RFX8: variants seen among roughly 807,000 people sequenced by gnomAD.
RFX8 encodes the protein DNA-binding protein RFX8.
In RFX8, 46 loss-of-function variants were observed where a neutral mutation model predicts 54.6. That is an observed-to-expected ratio of 0.84 (90% confidence interval 0.67 to 1.08). The LOEUF is 1.08. RFX8 is among the 50% of genes least tolerant of loss of function. The pLI is 0.00. For missense variants in RFX8, 536 were observed against 562.3 expected, an observed-to-expected ratio of 0.95 and a Z score of 0.47; for synonymous variants, 192 against 209.5, an observed-to-expected ratio of 0.92 and a Z score of 0.72.
At chr2:101,443,922 G>A (rs561456185) in intron 2 of RFX8, among the ~76,000 whole-genome samples, 46 of 152,144 alleles carry the variant, frequency 3.0e-4, no homozygotes, top group Middle Eastern at 3.4e-3. Flanking sequence ...TGACCTCCAC[G>A]CTCCATACAC....
At chr2:101,471,723 C>G (rs1318060239) in intron 1 of RFX8, among the ~76,000 whole-genome samples, 2 of 152,226 alleles carry the variant, frequency 1.3e-5, no homozygotes, top group East Asian at 3.8e-4. Context: ...GAAACAGAAA[C>G]CTTCTATTAC....
In RFX8 at chr2:101,466,869, A is replaced by G; in HGVS notation, c.-21T>C. 6.5e-7 allele frequency: 1 copy of G among 1,541,484 alleles called. No homozygotes were observed. The highest frequency in any genetic ancestry group is 8.8e-7 in the Non-Finnish European group (1 of 1,137,728). The stretch of plus-strand genomic sequence containing the variant: ...TACATGAGACAGCGAGGGACGCTGC[A>G]CTCTTCGCAAATGCAGAAGTTGTCG... On this transcript the variant is annotated 5_prime_UTR_variant, in exon 2 of 12. Transcript: ENST00000428343.
intron 2 of RFX8, chr2:101,452,342 C>A (rs759751583): frequency 4.7e-5 from 52 of 1,117,516 alleles, no homozygotes; most frequent in Non-Finnish European, 6.3e-5. Flanking sequence ...TTTCCAAATC[C>A]TTGTTTTTAA....
At chr2:101,439,001 C>T (rs1260355405) in intron 2 of RFX8, among the ~76,000 whole-genome samples, 1 of 152,184 alleles carries the variant, frequency 6.6e-6, no homozygotes, top group South Asian at 2.1e-4. Flanking sequence ...TTAGTAGAGA[C>T]AGGGTTTCAC....
intron 2 of RFX8, among the ~76,000 whole-genome samples, chr2:101,451,773 C>T (rs1688696910): frequency 6.6e-6 from 1 of 151,458 alleles, no homozygotes; most frequent in South Asian, 2.1e-4. Context: ...TTTGTGAACA[C>T]AGAAACTTTA....
chr2:101,447,584 AAC>A (rs1233859504), intron 2 of RFX8, among the ~76,000 whole-genome samples: 2 of 152,184 alleles, frequency 1.3e-5, no homozygotes, highest in African/African-American at 4.8e-5. Flanking sequence ...CGTTACCTTA[AAC>A]ACTTATTATT....
intron 2 of RFX8, among the ~76,000 whole-genome samples, chr2:101,447,954 C>T (rs1175375229): frequency 6.6e-6 from 1 of 152,220 alleles, no homozygotes; most frequent in African/African-American, 2.4e-5. Flanking sequence ...GCTACATCCT[C>T]ACATGGCAGA....
chr2:101,466,988 A>G (rs749703035), intron 1 of RFX8, 88 bp from the exon 2 acceptor site: 1 of 665,096 alleles, frequency 1.5e-6, no homozygotes, highest in East Asian at 2.7e-5. Flanking sequence ...CAAGATGTGT[A>G]TGAGGTTCCA....
chr2:101,444,359 G>A lies in RFX8; in HGVS notation c.73-21887C>T, dbSNP rs1301775598. On this transcript the variant is annotated intron_variant, in intron 2 of 11. Coordinates refer to ENST00000428343, the MANE Select transcript of RFX8 (RefSeq NM_001145664.2). ...ACCCACAGCCCATAAAAGTAGGCCAGAACCTACACACTAAACCTAAACAGG... is the reference window on the plus strand; with the variant it reads ...ACCCACAGCCCATAAAAGTAGGCCAAAACCTACACACTAAACCTAAACAGG... 2.6e-5 allele frequency among the ~76,000 whole-genome samples: 4 copies of A among 152,224 alleles called. No homozygotes were observed. The East Asian group carries it at 5.8e-4, about 22-fold the overall frequency.
intron 1 of RFX8, among the ~76,000 whole-genome samples, chr2:101,469,251 C>T (rs1480592127): frequency 6.6e-6 from 1 of 150,402 alleles, no homozygotes; most frequent in Non-Finnish European, 1.5e-5. Flanking sequence ...AACTCCTGGG[C>T]TCAAGGGATC....
chr2:101,397,841 AG>A, intron 11 of RFX8, 117 bp from the exon 12 acceptor site: 1 of 801,528 alleles, frequency 1.2e-6, no homozygotes, highest in Non-Finnish European at 1.9e-6. Context: ...TGGGATGTAA[AG>A]GAGAAGTTCA....
chr2:101,452,421 A>T (rs1489605474), intron 2 of RFX8: 17 of 1,370,246 alleles, frequency 1.2e-5, no homozygotes, highest in Non-Finnish European at 1.6e-5. Context: ...CCGGGTGCCA[A>T]GGTCCGGAAA....
At position 101,454,071 on chromosome 2, in the gene RFX8, C is replaced by T. The variant is rs188331732; in HGVS notation, c.72+12706G>A. ...CCAGCCCCCCACCCCCGACAGGCCC[C>T]GGTGTGTGATGTTCCCCTCCCTGTG... On this transcript the variant is annotated intron_variant, in intron 2 of 11. Transcript: ENST00000428343. 8.7e-3 allele frequency among the ~76,000 whole-genome samples: 1,317 copies of T among 151,316 alleles called. 21 individuals are homozygous for T. The highest frequency in any genetic ancestry group is 0.031 in the African/African-American group (1,275 of 41,052).
chr2:101,449,356 G>A (rs1688556359), intron 2 of RFX8, among the ~76,000 whole-genome samples: 1 of 152,114 alleles, frequency 6.6e-6, no homozygotes. Context: ...AGCAGGGAGA[G>A]GCTGAGGAGG....
chr2:101,419,887 G>A (rs114024816), intron 4 of RFX8, among the ~76,000 whole-genome samples: 2,239 of 152,292 alleles, frequency 0.015, 36 homozygotes, highest in Non-Finnish European at 0.021. Context: ...GAACCTCGGA[G>A]CAAGGAGCTT....
intron 2 of RFX8, among the ~76,000 whole-genome samples, chr2:101,428,078 G>A (rs1687284559): frequency 6.6e-6 from 1 of 151,842 alleles, no homozygotes; most frequent in East Asian, 1.9e-4. Context: ...CAGATCTCTT[G>A]GGGTCAGGAG....
At chr2:101,456,883 A>G (rs1688997625) in intron 2 of RFX8, among the ~76,000 whole-genome samples, 1 of 152,128 alleles carries the variant, frequency 6.6e-6, no homozygotes, top group South Asian at 2.1e-4. Flanking sequence ...TATTGCCTCA[A>G]TTTCAGAACC....
chr2:101,465,748 G>C (rs1396994351), intron 2 of RFX8, among the ~76,000 whole-genome samples: 1 of 152,186 alleles, frequency 6.6e-6, no homozygotes, highest in African/African-American at 2.4e-5. Context: ...GGTTGTTTCT[G>C]TTGACTACAA....
chr2:101,404,932 C>CT (rs1685643924), intron 10 of RFX8, among the ~76,000 whole-genome samples: 1 of 152,178 alleles, frequency 6.6e-6, no homozygotes, highest in South Asian at 2.1e-4. Context: ...GGCTTGCTTT[C>CT]TCTTCCTTCT....
Sources: gnomAD v4.1 joint callset for allele counts (sites outside exome capture counted in the v4.1 genomes callset) on GRCh38, gnomAD v4.1.1 for gene constraint, MANE v1.5 for transcripts, NCBI Gene and HGNC (gene_info 2026-07-23, HGNC 2026-07-21) for gene names.